The following ENPEP variants were observed in gnomAD, a reference collection of about 807,000 sequenced individuals.
ENPEP encodes the protein AP-A.
ENPEP carries 103 observed loss-of-function variants against 114.5 expected under a neutral mutation model. The ratio of observed to expected loss-of-function variants is 0.90; its 90% CI spans 0.77 to 1.06. The LOEUF is 1.06. ENPEP is among the 50% of genes least tolerant of loss of function. The probability of loss-of-function intolerance (pLI) is 0.00; values close to 1 mark genes in which losing one functional copy is unlikely to be tolerated. For missense variants in ENPEP, 1,196 were observed against 1,161.3 expected (o/e 1.03, Z -0.43); for synonymous variants, 420 against 422.0 (o/e 1.00, Z 0.06).
At chr4:110,496,548 G>A (rs182233520) in intron 3 of ENPEP, among the ~76,000 whole-genome samples, 1 of 152,244 alleles carries the variant, frequency 6.6e-6, no homozygotes, top group African/African-American at 2.4e-5. Flanking sequence ...TTTCACTAAT[G>A]TGCCTTTTCT....
chr4:110,509,838 T>G (rs1402139945), intron 5 of ENPEP, 31 bp downstream of exon 5: 1 of 1,595,374 alleles, frequency 6.3e-7, no homozygotes. Context: ...ATCAGCTTGT[T>G]TTTTTAAAGT....
intron 3 of ENPEP, among the ~76,000 whole-genome samples, chr4:110,497,542 T>A (rs2110343126): frequency 6.6e-6 from 1 of 152,282 alleles, no homozygotes; most frequent in East Asian, 1.9e-4. Context: ...TAATAATCAC[T>A]AAGCATCAGA....
chr4:110,525,987 A>C (rs1025414009), intron 10 of ENPEP, among the ~76,000 whole-genome samples: 4 of 152,048 alleles, frequency 2.6e-5, no homozygotes, highest in African/African-American at 7.2e-5. Flanking sequence ...TTCAAAATAG[A>C]AACTATGGCC....
At chr4:110,558,322 C>T (rs1488193687) in intron 18 of ENPEP, among the ~76,000 whole-genome samples, 1 of 149,550 alleles carries the variant, frequency 6.7e-6, no homozygotes, top group Non-Finnish European at 1.5e-5. Context: ...AGGTCTCACT[C>T]TGTCACCCAG....
intron 1 of ENPEP, among the ~76,000 whole-genome samples, chr4:110,481,439 A>T (rs1724309236): frequency 1.3e-5 from 2 of 151,938 alleles, no homozygotes; most frequent in Admixed American, 1.3e-4. Context: ...GTGACTATGG[A>T]TTCTTCTGTG....
intron 11 of ENPEP, among the ~76,000 whole-genome samples, chr4:110,534,952 G>C (rs1051770292): frequency 6.6e-6 from 1 of 152,026 alleles, no homozygotes; most frequent in African/African-American, 2.4e-5. Context: ...AGGGTTGTTT[G>C]CCCCAGAATG....
intron 6 of ENPEP, among the ~76,000 whole-genome samples, chr4:110,512,073 A>T (rs957621128): frequency 4.6e-5 from 7 of 152,156 alleles, no homozygotes; most frequent in Non-Finnish European, 7.4e-5. Flanking sequence ...CCATTCATTC[A>T]TTCTTCATTC....
At chr4:110,539,796 A>G (rs543887494) in intron 11 of ENPEP, among the ~76,000 whole-genome samples, 286 of 110,936 alleles carry the variant, frequency 2.6e-3, no homozygotes, top group African/African-American at 0.012. Context: ...CACAGCATTC[A>G]TATCATCACC....
At chr4:110,518,102 C>G (rs995806255) in intron 8 of ENPEP, among the ~76,000 whole-genome samples, 11 of 152,206 alleles carry the variant, frequency 7.2e-5, no homozygotes, top group African/African-American at 2.4e-4. Context: ...TATTCTCTTT[C>G]ATGCTCATCA....
At chr4:110,523,984 T>C (rs1293574001) in intron 10 of ENPEP, among the ~76,000 whole-genome samples, 1 of 152,168 alleles carries the variant, frequency 6.6e-6, no homozygotes, top group Non-Finnish European at 1.5e-5. Context: ...AGGAGAGTAG[T>C]TAAGACTAAA....
chr4:110,531,382 A>G, intron 11 of ENPEP, 105 bp downstream of exon 11: 1 of 873,494 alleles, frequency 1.1e-6, no homozygotes, highest in South Asian at 3.6e-5. Context: ...TGTAAACTTC[A>G]GCTAAGTGAT....
At chr4:110,523,266 G>A (rs1361234654) in intron 10 of ENPEP, among the ~76,000 whole-genome samples, 1 of 152,118 alleles carries the variant, frequency 6.6e-6, no homozygotes, top group Non-Finnish European at 1.5e-5. Flanking sequence ...AAGATCTGAT[G>A]GTTTTATAAG....
chr4:110,508,479 A>C (rs554371089), intron 4 of ENPEP, among the ~76,000 whole-genome samples: 1 of 152,316 alleles, frequency 6.6e-6, no homozygotes, highest in African/African-American at 2.4e-5. Flanking sequence ...CCTCTACTTA[A>C]GATACATCCC....
chr4:110,509,787 GC>G lies in ENPEP; in HGVS notation c.1177del (p.His393MetfsTer12), dbSNP rs1177847437. On this transcript the variant is annotated frameshift_variant, in exon 5 of 20. Coordinates refer to ENST00000265162, the MANE Select transcript of ENPEP (RefSeq NM_001977.4). LOFTEE classifies it high-confidence loss of function. ...CCAACAGAGGGTGGCCACTGTGGTT[GC>G]CCATGAACTTGTGCATCAGGTACAG... is the stretch of plus-strand genomic sequence containing the variant. Reference protein sequence around the residue: ...SNQQRVATVVAHELVHQWFGN... With the variant: ...SNQQRVATVVXHELVHQWFGN... 6.2e-7 allele frequency: 1 copy of G among 1,613,516 alleles called. No individual in the cohort carries two copies.
chr4:110,534,276 C>CAACAACTAAACTCAT (rs1726521695), intron 11 of ENPEP, among the ~76,000 whole-genome samples: 10 of 152,046 alleles, frequency 6.6e-5, no homozygotes, highest in Admixed American at 6.6e-4. Context: ...GGCGTTAAAA[C>CAACAACTAAACTCAT]AACAACTAAA....
At position 110,542,880 on chromosome 4, in the gene ENPEP, A is replaced by G. The variant is rs1726903469; in HGVS notation, c.1937A>G (p.Asn646Ser). 1 of 1,612,760 alleles carries G rather than the reference A, an allele frequency of 6.2e-7. No homozygotes were observed. The highest frequency in any genetic ancestry group is 1.3e-5 in the African/African-American group (1 of 74,830). ...TCGATAGCTACAGCGCTCTCCTTGAACCACAAGGTAAGAGATAGCAATGGT... is the reference window on the plus strand; with the variant it reads ...TCGATAGCTACAGCGCTCTCCTTGAGCCACAAGGTAAGAGATAGCAATGGT... ...WDSIATALSLNHKTFSSADRA... is the reference protein window; with the variant it reads ...WDSIATALSLSHKTFSSADRA... Residue 646 changes from asparagine (N) to serine (S), a missense_variant, in exon 12 of 20, where the codon AAC becomes AGC. By Grantham distance (46) the Asn-to-Ser change is conservative (BLOSUM62 1). Coordinates refer to ENST00000265162, the MANE Select transcript of ENPEP (RefSeq NM_001977.4).
rs112068198 is a variant in ENPEP, at chr4:110,477,000, C to T, written c.586C>T (p.Leu196=). The T allele has an allele frequency of 1.8e-4, 290 of 1,614,186 alleles. No individual in the cohort carries two copies. In the African/African-American group the frequency reaches 3.0e-3, roughly 17 times the overall value. ...CCTGACCATGGAGTTCGCCGGCTGG[C>T]TGAACGGCTCCCTCGTGGGATTTTA... The part of the protein sequence containing the change: ...YLLTMEFAGW[L]NGSLVGFYRT... The change falls in exon 1 of 20, where the codon CTG becomes TTG. Residue 196 remains leucine, a synonymous_variant. Coordinates refer to ENST00000265162, the MANE Select transcript of ENPEP (RefSeq NM_001977.4).
At chr4:110,491,723 T>C (rs932242065) in intron 3 of ENPEP, among the ~76,000 whole-genome samples, 5 of 59,246 alleles carry the variant, frequency 8.4e-5, no homozygotes, top group Admixed American at 4.3e-4. Context: ...TCTTTCTTTT[T>C]TTTTTTTTTT....
At chr4:110,542,557 C>T (rs545610893) in intron 11 of ENPEP, among the ~76,000 whole-genome samples, 194 bp from the exon 12 acceptor site, 2 of 152,144 alleles carry the variant, frequency 1.3e-5, no homozygotes, top group African/African-American at 4.8e-5. Flanking sequence ...TTTTTTAGCT[C>T]ACTCATTATA....
Sources: allele counts gnomAD v4.1 joint callset (sites outside exome capture counted in the v4.1 genomes callset), GRCh38; gene constraint gnomAD v4.1.1; transcripts MANE v1.5; gene names NCBI Gene and HGNC (gene_info 2026-07-23, HGNC 2026-07-21).